The following TRABD2B variants were observed in gnomAD, a reference collection of about 807,000 sequenced individuals.
TRABD2B encodes TraB domain containing 2B, also known as metalloprotease TIKI2.
Under a neutral mutation model 40.1 loss-of-function variants are expected in TRABD2B, and 14 were observed. The observed-to-expected ratio is 0.35, with a 90% CI of 0.23 to 0.55. The LOEUF is 0.55. Ranked by LOEUF, TRABD2B falls within the 20% of genes least tolerant of loss-of-function variation. The pLI is 0.90. For missense variants in TRABD2B, 541 were observed against 648.6 expected (o/e 0.83, Z 1.80); for synonymous variants, 263 against 277.0 (o/e 0.95, Z 0.50).
chr1:47,971,386 A>T lies in TRABD2B; in HGVS notation c.666+22648T>A, dbSNP rs1470964906. Among the ~76,000 whole-genome samples the T allele has an allele frequency of 2.0e-5, 3 of 152,250 alleles. No homozygotes were observed. In the East Asian group the frequency reaches 5.8e-4, roughly 29 times the overall value. On this transcript the variant is annotated intron_variant, in intron 2 of 6. Transcript: ENST00000606738. Reference sequence around the variant, plus strand: ...TGCAATAAATGGGAAAACCCGTGGAAAGCCAGCCTTGGGTATAGTTATAAG... The same window carrying T: ...TGCAATAAATGGGAAAACCCGTGGATAGCCAGCCTTGGGTATAGTTATAAG...
intron 2 of TRABD2B, among the ~76,000 whole-genome samples, chr1:47,903,140 C>T (rs971744349): frequency 6.6e-6 from 1 of 152,198 alleles, no homozygotes; most frequent in Non-Finnish European, 1.5e-5. Flanking sequence ...ATGGCACTCA[C>T]TGTGCACAGT....
At chr1:47,848,248 AC>A (rs989340255) in intron 2 of TRABD2B, among the ~76,000 whole-genome samples, 1 of 152,016 alleles carries the variant, frequency 6.6e-6, no homozygotes, top group Admixed American at 6.6e-5. Flanking sequence ...TACACATATT[AC>A]CCCCAATTTT....
At chr1:47,975,912 C>G (rs6697486) in intron 2 of TRABD2B, among the ~76,000 whole-genome samples, 11,980 of 152,164 alleles carry the variant, frequency 0.079, 637 homozygotes, top group Non-Finnish European at 0.12. Flanking sequence ...GAGGGCACCC[C>G]AGGGTAAGCA....
chr1:47,919,916 C>G (rs1054785730), intron 2 of TRABD2B, among the ~76,000 whole-genome samples: 2 of 152,124 alleles, frequency 1.3e-5, no homozygotes, highest in Non-Finnish European at 2.9e-5. Context: ...TGAGAGGGCT[C>G]CTGGATGTCG....
At chr1:47,835,864 T>TA (rs1314155337) in intron 2 of TRABD2B, among the ~76,000 whole-genome samples, 1 of 152,212 alleles carries the variant, frequency 6.6e-6, no homozygotes, top group Non-Finnish European at 1.5e-5. Context: ...TAGGTAAGTA[T>TA]AAAAGACAGT....
intron 6 of TRABD2B, among the ~76,000 whole-genome samples, chr1:47,768,539 T>G (rs1021516934): frequency 1.2e-4 from 18 of 152,216 alleles, no homozygotes; most frequent in African/African-American, 3.9e-4. Flanking sequence ...GCCCTTCCCC[T>G]GGAGGGCTTC....
chr1:47,995,549 A>G (rs1468875785), intron 1 of TRABD2B, among the ~76,000 whole-genome samples: 2 of 152,048 alleles, frequency 1.3e-5, no homozygotes, highest in African/African-American at 4.8e-5. Context: ...GGAGCTGAAG[A>G]GAGGCATGCA....
intron 3 of TRABD2B, among the ~76,000 whole-genome samples, chr1:47,800,046 T>C (rs1163695258): frequency 1.3e-5 from 2 of 151,864 alleles, no homozygotes; most frequent in Non-Finnish European, 2.9e-5. Flanking sequence ...ATTCATTCAT[T>C]CAGCAAATGT....
chr1:47,930,257 T>A (rs1328243599), intron 2 of TRABD2B, among the ~76,000 whole-genome samples: 1 of 152,204 alleles, frequency 6.6e-6, no homozygotes, highest in Non-Finnish European at 1.5e-5. Context: ...GCCAGGTGAT[T>A]TATGAGGGAA....
At chr1:47,766,578 G>T (rs983911347) in intron 6 of TRABD2B, among the ~76,000 whole-genome samples, 1 of 152,194 alleles carries the variant, frequency 6.6e-6, no homozygotes, top group Non-Finnish European at 1.5e-5. Flanking sequence ...ACCGCTTGTT[G>T]AGCATCCATC....
rs148246173 is a variant in TRABD2B, at chr1:47,789,669, A to G, written c.988+4917T>C. Among the ~76,000 whole-genome samples, 258 of 152,226 alleles carry G rather than the reference A, an allele frequency of 1.7e-3. 3 individuals carry two copies. The highest frequency in any genetic ancestry group is 5.1e-3 in the African/African-American group (212 of 41,516). On this transcript the variant is annotated intron_variant, in intron 4 of 6. Transcript: ENST00000606738. The stretch of plus-strand genomic sequence containing the variant: ...TTCAGACAGTGGTGCTCTGATTAGA[A>G]GCCATCAGCTGAGAATTTGCTCCCT...
At chr1:47,979,040 C>A (rs1007428389) in intron 2 of TRABD2B, among the ~76,000 whole-genome samples, 15 of 152,022 alleles carry the variant, frequency 9.9e-5, no homozygotes, top group Admixed American at 3.9e-4. Context: ...ACAGCCGCAC[C>A]AGGAGTCGGT....
rs1046398625 is a variant in TRABD2B, at chr1:47,965,419, G to C, written c.666+28615C>G. Among the ~76,000 whole-genome samples the C allele has an allele frequency of 2.6e-4, 39 of 152,024 alleles. No homozygotes were observed. The Middle Eastern group carries it at 0.01, about 40-fold the overall frequency. ...AAAAAAAAAATCTCCTTGGGGGCCA[G>C]GAAGTCTAGTGCACTCCTGTGGATG... On this transcript the variant is annotated intron_variant, in intron 2 of 6. Transcript: ENST00000606738.
At chr1:47,862,964 T>C (rs1462587163) in intron 2 of TRABD2B, among the ~76,000 whole-genome samples, 3 of 152,180 alleles carry the variant, frequency 2.0e-5, no homozygotes, top group Non-Finnish European at 2.9e-5. Context: ...ACACAGGCAC[T>C]ATGGCTGCCT....
In TRABD2B at chr1:47,994,969, C is replaced by T. The variant is rs903755304; in HGVS notation, c.103-372G>A. ...AATGAAGGGAAACTCTCATGATTAGCGTTCCCTGTGAGTGCCAAGGACTGC... is the reference window on the plus strand; with the variant it reads ...AATGAAGGGAAACTCTCATGATTAGTGTTCCCTGTGAGTGCCAAGGACTGC... On this transcript the variant is annotated intron_variant, in intron 1 of 6. Transcript: ENST00000606738. This position sits in a 1 kb window ranked among gnomAD's most constrained non-coding sequence, Gnocchi z 6.7. 1.1e-4 allele frequency among the ~76,000 whole-genome samples: 17 copies of T among 152,160 alleles called. No individual in the cohort carries two copies. The highest frequency in any genetic ancestry group is 2.4e-4 in the Non-Finnish European group (16 of 68,038).
At chr1:47,921,804 A>G (rs963121667) in intron 2 of TRABD2B, among the ~76,000 whole-genome samples, 4 of 152,188 alleles carry the variant, frequency 2.6e-5, no homozygotes, top group African/African-American at 7.2e-5. Flanking sequence ...GCATCTAATA[A>G]AGGACCCTGA....
intron 2 of TRABD2B, among the ~76,000 whole-genome samples, chr1:47,962,365 C>A (rs1390518709): frequency 6.6e-6 from 1 of 151,938 alleles, no homozygotes; most frequent in Non-Finnish European, 1.5e-5. Context: ...AGTGTAAAAA[C>A]AAACAAACAA....
chr1:47,794,760 G>A lies in TRABD2B; in HGVS notation c.814C>T (p.Leu272=). ...AGGGTGGTGTTGATAAAGTTGGGCA[G>A]CTGCAAAGGCAAGACAGAGGCTGCC... ...AVIFNHDTSQ[L]PNFINTTLPP... Residue 272 remains leucine, a splice_region_variant and synonymous_variant, in exon 4 of 7, where the codon CTG becomes TTG. Coordinates refer to ENST00000606738, the MANE Select transcript of TRABD2B (RefSeq NM_001194986.2). 6.6e-7 allele frequency: 1 copy of A among 1,516,576 alleles called. No individual in the cohort carries two copies. The highest frequency in any genetic ancestry group is 8.8e-7 in the Non-Finnish European group (1 of 1,136,272). The allele number at this position is 1,516,576 out of a possible 1,614,324, so 93.9% of individuals were successfully genotyped here.
chr1:47,845,019 G>C (rs533840903), intron 2 of TRABD2B, among the ~76,000 whole-genome samples: 77 of 152,268 alleles, frequency 5.1e-4, no homozygotes, highest in African/African-American at 1.9e-3. Flanking sequence ...AAGACAGGTG[G>C]AGACAGGGTG....
Sources: gnomAD v4.1 joint callset for allele counts (sites outside exome capture counted in the v4.1 genomes callset) on GRCh38, gnomAD v4.1.1 for gene constraint, Gnocchi (gnomAD v3.1) non-coding constraint, MANE v1.5 for transcripts, NCBI Gene and HGNC (gene_info 2026-07-23, HGNC 2026-07-21) for gene names.